CAST: variants seen among roughly 807,000 people sequenced by gnomAD.
The protein encoded by CAST is calpastatin.
A neutral mutation model predicts 119.6 loss-of-function variants in CAST; 76 were observed. The observed-to-expected ratio is 0.64, with a 90% CI of 0.53 to 0.77. The LOEUF is 0.77. Among genes scored for constraint, CAST ranks in the 30% least tolerant of loss-of-function variants. The pLI, the probability that CAST is intolerant of heterozygous loss-of-function variation, is 0.00. For synonymous variants in CAST, 319 were observed against 331.6 expected (o/e 0.96, Z 0.41); for missense variants, 953 against 946.5 (o/e 1.01, Z -0.09).
At chr5:96,058,806 C>T in the CAST span, among the ~76,000 whole-genome samples, 1 of 152,136 alleles carries the variant, frequency 6.6e-6, no homozygotes, top group African/African-American at 2.4e-5. Flanking sequence ...ACAAAAAAGC[C>T]GAAGTGTGAA....
At chr5:96,213,737 G>A in the CAST span, 1 of 152,104 alleles carries the variant, frequency 6.6e-6, no homozygotes, top group African/African-American at 2.4e-5. Flanking sequence ...GCTGTAGTAA[G>A]CTATGATCAT....
At chr5:96,484,947 T>A in the CAST span, among the ~76,000 whole-genome samples, 1 of 152,166 alleles carries the variant, frequency 6.6e-6, no homozygotes, top group Non-Finnish European at 1.5e-5. Context: ...TACACACATA[T>A]CCACTATTCA....
At chr5:95,963,021 T>C in the CAST span, among the ~76,000 whole-genome samples, 1 of 152,094 alleles carries the variant, frequency 6.6e-6, no homozygotes, top group Admixed American at 6.5e-5. Context: ...TGTGTGTGGA[T>C]AGACTGACAG....
chr5:96,121,921 A>T, the CAST span, among the ~76,000 whole-genome samples: 2 of 152,186 alleles, frequency 1.3e-5, no homozygotes, highest in Non-Finnish European at 2.9e-5. Flanking sequence ...CAAAAAAACA[A>T]ATATAATTTT....
At chr5:96,170,194 G>C in the CAST span, among the ~76,000 whole-genome samples, 2 of 152,240 alleles carry the variant, frequency 1.3e-5, no homozygotes, top group Non-Finnish European at 2.9e-5. Flanking sequence ...GTCAGTCAGA[G>C]AGCCTTGGGC....
the CAST span, among the ~76,000 whole-genome samples, chr5:96,059,864 T>A: frequency 6.6e-6 from 1 of 152,062 alleles, no homozygotes; most frequent in African/African-American, 2.4e-5. Context: ...ATCAACAATA[T>A]TATATTCCTG....
the CAST span, among the ~76,000 whole-genome samples, chr5:96,098,918 T>C: frequency 6.6e-6 from 1 of 152,194 alleles, no homozygotes; most frequent in Non-Finnish European, 1.5e-5. Flanking sequence ...TTGGGCAGTA[T>C]GGCCATTTTC....
chr5:96,255,385 G>A, the CAST span, among the ~76,000 whole-genome samples: 1,087 of 152,214 alleles, frequency 7.1e-3, 11 homozygotes, highest in African/African-American at 0.025. Context: ...CTGAAAAGAC[G>A]AAAAGTGACA....
chr5:96,725,576 A>T (rs1465581635), intron 4 of CAST, among the ~76,000 whole-genome samples: 3 of 152,240 alleles, frequency 2.0e-5, no homozygotes, highest in Non-Finnish European at 4.4e-5. Flanking sequence ...TGATTAATAC[A>T]CATTAGTTAT....
At chr5:96,504,962 G>T in the CAST span, among the ~76,000 whole-genome samples, 1 of 152,192 alleles carries the variant, frequency 6.6e-6, no homozygotes, top group African/African-American at 2.4e-5. Context: ...TCAGCTACCA[G>T]TGTGGCCATT....
At chr5:96,144,085 A>G in the CAST span, among the ~76,000 whole-genome samples, 1 of 152,236 alleles carries the variant, frequency 6.6e-6, no homozygotes, top group Non-Finnish European at 1.5e-5. Context: ...TTGAGGCAGT[A>G]AAACATAATT....
chr5:96,741,158 G>T, intron 13 of CAST, 108 bp from the exon 14 acceptor site: 1 of 673,186 alleles, frequency 1.5e-6, no homozygotes, highest in East Asian at 2.6e-5. Flanking sequence ...CACCTCATTT[G>T]GTAGCAAGGG....
At chr5:96,426,729 C>T in the CAST span, among the ~76,000 whole-genome samples, 2 of 152,174 alleles carry the variant, frequency 1.3e-5, no homozygotes, top group Non-Finnish European at 2.9e-5. Context: ...CCAAACACAT[C>T]TTTTCTGCTG....
At chr5:96,370,958 T>C in the CAST span, among the ~76,000 whole-genome samples, 3 of 152,108 alleles carry the variant, frequency 2.0e-5, no homozygotes, top group Non-Finnish European at 4.4e-5. Context: ...CACAATACAC[T>C]CATTCACACT....
chr5:96,175,777 A>C, the CAST span, among the ~76,000 whole-genome samples: 3 of 152,212 alleles, frequency 2.0e-5, no homozygotes, highest in Admixed American at 6.5e-5. Flanking sequence ...GAGATAGAGC[A>C]GTATGTTTAA....
intron 9 of CAST, among the ~76,000 whole-genome samples, chr5:96,731,240 A>G (rs1760415793): frequency 6.6e-6 from 1 of 152,180 alleles, no homozygotes; most frequent in Non-Finnish European, 1.5e-5. Flanking sequence ...TCTTGATACT[A>G]GTGTATCACA....
At chr5:95,964,440 T>C in the CAST span, among the ~76,000 whole-genome samples, 27 of 152,364 alleles carry the variant, frequency 1.8e-4, no homozygotes, top group East Asian at 4.2e-3. Context: ...TAGAGGAATT[T>C]TCTGTTTCAG....
the CAST span, among the ~76,000 whole-genome samples, chr5:96,371,578 A>T: frequency 1.3e-5 from 2 of 152,190 alleles, no homozygotes; most frequent in African/African-American, 4.8e-5. Context: ...ATTATCTTCT[A>T]TTAGGAGGCT....
At chr5:96,368,507 A>C in the CAST span, among the ~76,000 whole-genome samples, 2 of 151,792 alleles carry the variant, frequency 1.3e-5, no homozygotes, top group East Asian at 1.9e-4. Flanking sequence ...ATCTAAAAAA[A>C]AAAAAAAACA....
Sources: gnomAD v4.1 joint callset for allele counts (sites outside exome capture counted in the v4.1 genomes callset) on GRCh38, gnomAD v4.1.1 for gene constraint, MANE v1.5 for transcripts, NCBI Gene and HGNC (gene_info 2026-07-23, HGNC 2026-07-21) for gene names.